The following PCDHGA6 variants were observed in gnomAD, a reference collection of about 807,000 sequenced individuals.
The protein encoded by PCDHGA6 is protocadherin gamma subfamily A, 6.
In PCDHGA6, 41 loss-of-function variants were observed where a neutral mutation model predicts 60.6. That is an observed-to-expected ratio of 0.68 (90% CI 0.53 to 0.88). The LOEUF (loss-of-function observed/expected upper bound fraction) is 0.88. Among genes scored for constraint, PCDHGA6 ranks in the 40% least tolerant of loss-of-function variants. PCDHGA6 has a pLI of 0.00. For missense variants in PCDHGA6, 1,312 were observed against 1,203.0 expected (o/e 1.09, Z -1.34); for synonymous variants, 594 against 524.4 (o/e 1.13, Z -1.81).
At chr5:141,508,879 G>A (rs2547559) in intron 3 of PCDHGA6, among the ~76,000 whole-genome samples, 2 of 152,070 alleles carry the variant, frequency 1.3e-5, no homozygotes, top group East Asian at 3.9e-4. Context: ...AGAGGCTGAC[G>A]GCTGGAGGGG....
At chr5:141,433,691 G>A (rs2097644575) in intron 1 of PCDHGA6, among the ~76,000 whole-genome samples, 1 of 152,044 alleles carries the variant, frequency 6.6e-6, no homozygotes, top group Non-Finnish European at 1.5e-5. Flanking sequence ...TACAAAATTA[G>A]CCGGGCGTGG....
At chr5:141,422,202 T>C (rs1272540004) in intron 1 of PCDHGA6, 1 of 1,561,656 alleles carries the variant, frequency 6.4e-7, no homozygotes, top group Admixed American at 2.0e-5. Flanking sequence ...GCCAAGATGG[T>C]GGAGGTCTCT....
chr5:141,467,055 C>CTTTTT (rs1193465269), intron 1 of PCDHGA6, among the ~76,000 whole-genome samples: 1 of 134,496 alleles, frequency 7.4e-6, no homozygotes, highest in Non-Finnish European at 1.6e-5. Context: ...TCAATGTTTT[C>CTTTTT]TTTTTTTTTT....
At chr5:141,498,457 G>A (rs1028236637) in intron 2 of PCDHGA6, among the ~76,000 whole-genome samples, 8 of 152,126 alleles carry the variant, frequency 5.3e-5, no homozygotes, top group African/African-American at 1.9e-4. Flanking sequence ...CTTTTATCCA[G>A]TCTAACCCTG....
chr5:141,423,149 A>G (rs763488632), intron 1 of PCDHGA6: 2 of 1,613,554 alleles, frequency 1.2e-6, no homozygotes, highest in Non-Finnish European at 8.5e-7. Context: ...GCGCTCAAGC[A>G]GAGCCTCGTG....
intron 1 of PCDHGA6, among the ~76,000 whole-genome samples, chr5:141,481,426 A>T (rs1431602618): frequency 6.6e-6 from 1 of 152,238 alleles, no homozygotes; most frequent in Non-Finnish European, 1.5e-5. Context: ...TGTGATGATG[A>T]TTGTATCAGT....
intron 1 of PCDHGA6, chr5:141,408,821 T>C (rs774934223): frequency 1.4e-5 from 23 of 1,613,250 alleles, no homozygotes; most frequent in African/African-American, 2.7e-5. Flanking sequence ...AGAACAGAGA[T>C]CTCATAGCTT....
At chr5:141,392,859 CT>C in intron 1 of PCDHGA6, 1 of 1,612,504 alleles carries the variant, frequency 6.2e-7, no homozygotes, top group Non-Finnish European at 8.5e-7. Flanking sequence ...GCTGATCCTG[CT>C]GTGCGCGCTG....
intron 1 of PCDHGA6, chr5:141,410,849 C>CTTTTTTTTTTTTTTGTTTTTTTT (rs2095434772): frequency 7.7e-6 from 1 of 129,786 alleles, no homozygotes; most frequent in Admixed American, 1.1e-4. Flanking sequence ...TTGTCTTTGT[C>CTTTTTTTTTTTTTTGTTTTTTTT]TTTTTTTTTT....
Position 141,494,824 on chromosome 5 carries a change from G to A in PCDHGA6, c.2442G>A (p.Thr814=), listed in dbSNP as rs1423741889. The A allele has an allele frequency of 1.8e-5, 29 of 1,613,924 alleles. No homozygotes were observed. Among genetic ancestry groups the A allele is most frequent in the Non-Finnish European group, 2.4e-5 (28 of 1,180,032 alleles). Residue 814 remains threonine (T), a synonymous_variant, in exon 2 of 4, where the codon ACG becomes ACA. Transcript: ENST00000517434. The part of the protein sequence containing the change: ...PRQLQQAPPN[T]DWRFSQAQRP... ...CTCCACAGCAAGCCCCGCCCAACAC[G>A]GACTGGCGTTTCTCTCAGGCCCAGA...
intron 3 of PCDHGA6, among the ~76,000 whole-genome samples, chr5:141,509,065 T>A (rs1294546432): frequency 6.6e-6 from 1 of 152,018 alleles, no homozygotes; most frequent in Non-Finnish European, 1.5e-5. Context: ...AGCTCTCAGC[T>A]CCGGGGATTT....
chr5:141,426,094 G>C (rs2096914562), intron 1 of PCDHGA6, among the ~76,000 whole-genome samples: 1 of 152,350 alleles, frequency 6.6e-6, no homozygotes, highest in African/African-American at 2.4e-5. Flanking sequence ...ACGATATTCT[G>C]TTCAGTCACA....
intron 1 of PCDHGA6, chr5:141,399,984 A>C (rs1310810422): frequency 1.2e-6 from 2 of 1,612,296 alleles, no homozygotes; most frequent in Non-Finnish European, 8.5e-7. Context: ...GGCTGCGCAC[A>C]GGAGAGGTGC....
rs1024041994 is a variant in PCDHGA6 at position 141,409,578 on chromosome 5, T to C, written c.2424+33071T>C. The C allele has an allele frequency of 3.1e-6, 5 of 1,613,824 alleles. No individual in the cohort carries two copies. In the Admixed American group the frequency reaches 6.7e-5, roughly 22 times the overall value. On this transcript the variant is annotated intron_variant, in intron 1 of 3. Coordinates refer to ENST00000517434, the MANE Select transcript of PCDHGA6 (RefSeq NM_018919.3). Reference sequence around the variant, plus strand: ...GTTTTCGACCAGACGTCCTACGTGGTCCACGTGGCCGAGAACAACCCGCCA... The same window carrying C: ...GTTTTCGACCAGACGTCCTACGTGGCCCACGTGGCCGAGAACAACCCGCCA...
At chr5:141,417,832 G>C in intron 1 of PCDHGA6, 1 of 1,528,846 alleles carries the variant, frequency 6.5e-7, no homozygotes. Flanking sequence ...CTGGAAAAGC[G>C]GGGACCCAGC....
chr5:141,393,427 A>G (rs2092758301), intron 1 of PCDHGA6: 2 of 1,613,922 alleles, frequency 1.2e-6, no homozygotes, highest in Admixed American at 3.3e-5. Flanking sequence ...AGGGAGGAAG[A>G]GGCTGCTCAC....
chr5:141,383,074 C>T, intron 1 of PCDHGA6: 3 of 1,613,886 alleles, frequency 1.9e-6, no homozygotes, highest in Non-Finnish European at 2.5e-6. Context: ...GCCCCGGGAG[C>T]TGGCGGAGCG....
At chr5:141,438,571 T>TATAC (rs1212381177) in intron 1 of PCDHGA6, among the ~76,000 whole-genome samples, 15 of 94,542 alleles carry the variant, frequency 1.6e-4, no homozygotes, top group South Asian at 1.0e-3. Flanking sequence ...AGCTGTCTGA[T>TATAC]ATACATACAT....
intron 1 of PCDHGA6, chr5:141,429,047 GGTTTCACC>G (rs1254088441): frequency 1.3e-5 from 2 of 152,034 alleles, no homozygotes; most frequent in Non-Finnish European, 2.9e-5. Flanking sequence ...GTACAGACGG[GGTTTCACC>G]GTGTTAGCCA....
Sources: gnomAD v4.1 joint callset for allele counts (sites outside exome capture counted in the v4.1 genomes callset) on GRCh38, gnomAD v4.1.1 for gene constraint, MANE v1.5 for transcripts, NCBI Gene and HGNC (gene_info 2026-07-23, HGNC 2026-07-21) for gene names.